The following SHLD1 variants were observed in gnomAD, a reference collection of about 807,000 sequenced individuals.
The protein encoded by SHLD1 is RINN1-REV7-interacting novel NHEJ regulator 3.
In SHLD1, 3 loss-of-function variants were observed where a neutral mutation model predicts 5.5. The observed-to-expected ratio is 0.54, with a 90% CI of 0.25 to 1.40. The LOEUF is 1.40. Ranked by LOEUF, SHLD1 falls within the 40% of genes most tolerant of loss-of-function variation. SHLD1 has a pLI of 0.15. For synonymous variants in SHLD1, 92 were observed against 94.3 expected, an observed-to-expected ratio of 0.98 and a Z score of 0.14; for missense variants, 210 against 244.4, an observed-to-expected ratio of 0.86 and a Z score of 0.94.
intron 2 of SHLD1, among the ~76,000 whole-genome samples, chr20:5,854,154 T>C (rs915496393): frequency 6.6e-6 from 1 of 152,058 alleles, no homozygotes; most frequent in Non-Finnish European, 1.5e-5. Context: ...TACAGGCATG[T>C]TCTACCATGC....
chr20:5,823,928 C>T (rs2087636827), intron 2 of SHLD1, among the ~76,000 whole-genome samples: 1 of 152,206 alleles, frequency 6.6e-6, no homozygotes, highest in African/African-American at 2.4e-5. Flanking sequence ...AAACCCCAGC[C>T]ACCATCTTCC....
At chr20:5,857,501 T>C (rs888172220) in intron 2 of SHLD1, among the ~76,000 whole-genome samples, 1 of 152,098 alleles carries the variant, frequency 6.6e-6, no homozygotes, top group Non-Finnish European at 1.5e-5. Flanking sequence ...TCCTGATACT[T>C]TTTCATTTTT....
chr20:5,832,678 G>A (rs1436755701), intron 2 of SHLD1, among the ~76,000 whole-genome samples: 2 of 151,770 alleles, frequency 1.3e-5, no homozygotes, highest in African/African-American at 4.8e-5. Context: ...GTATTCTTCC[G>A]GGGTAAAACC....
At chr20:5,794,916 GATATGTAAACTTATTTGTTTAC>G (rs35070176) in intron 2 of SHLD1, among the ~76,000 whole-genome samples, 44,413 of 151,970 alleles carry the variant, frequency 0.29, 6,473 homozygotes, top group Middle Eastern at 0.34. Flanking sequence ...GGGAAAATAA[GATATGTAAACTTATTTGTTTAC>G]ATATGTAAAC....
chr20:5,857,723 C>T lies in SHLD1; in HGVS notation c.179-5301C>T, dbSNP rs528979589. Among the ~76,000 whole-genome samples the T allele has an allele frequency of 2.7e-3, 410 of 151,794 alleles. 2 individuals are homozygous for T. Among genetic ancestry groups the T allele is most frequent in the Non-Finnish European group, 4.2e-3 (286 of 67,900 alleles). ...CTACTCAGGACTGAGGTGGGAGGAT[C>T]GCCTGAGCCCAGAAGGTGGGCTCAG... On this transcript the variant is annotated intron_variant, in intron 2 of 2. Transcript: ENST00000303142.
At chr20:5,753,958 G>A (rs1336365772) in intron 1 of SHLD1, among the ~76,000 whole-genome samples, 2 of 152,090 alleles carry the variant, frequency 1.3e-5, no homozygotes, top group Non-Finnish European at 1.5e-5. Flanking sequence ...GTGTGTTAGC[G>A]TCTTTGATTT....
At chr20:5,777,000 T>C (rs1452484055) in intron 2 of SHLD1, among the ~76,000 whole-genome samples, 1 of 152,112 alleles carries the variant, frequency 6.6e-6, no homozygotes, top group Non-Finnish European at 1.5e-5. Context: ...CTTTTTTTTT[T>C]TCTTTTCAAG....
chr20:5,832,319 G>C (rs2087738698), intron 2 of SHLD1, among the ~76,000 whole-genome samples: 1 of 152,242 alleles, frequency 6.6e-6, no homozygotes, highest in Non-Finnish European at 1.5e-5. Context: ...CTCGGGCAGA[G>C]TGGAACTGCA....
chr20:5,862,947 G>A, intron 2 of SHLD1, 77 bp from the exon 3 acceptor site: 5 of 1,270,606 alleles, frequency 3.9e-6, no homozygotes, highest in Middle Eastern at 2.3e-4. Context: ...ACTGAAAATA[G>A]ACATCATCTG....
At chr20:5,835,821 C>T (rs2087782288) in intron 2 of SHLD1, among the ~76,000 whole-genome samples, 1 of 152,202 alleles carries the variant, frequency 6.6e-6, no homozygotes. Flanking sequence ...TTGTGTTATA[C>T]AGGAAAAGTT....
chr20:5,851,018 A>G (rs10211801), intron 2 of SHLD1, among the ~76,000 whole-genome samples: 2,196 of 152,298 alleles, frequency 0.014, 44 homozygotes, highest in African/African-American at 0.05. Flanking sequence ...AAGGAGGACA[A>G]TACAGCACAC....
intron 2 of SHLD1, among the ~76,000 whole-genome samples, chr20:5,784,665 T>G (rs1261085491): frequency 6.6e-6 from 1 of 152,034 alleles, no homozygotes; most frequent in African/African-American, 2.4e-5. Context: ...TTAGCCAGGT[T>G]GGTCTCGATC....
At chr20:5,823,018 A>G (rs1486495174) in intron 2 of SHLD1, among the ~76,000 whole-genome samples, 3 of 104,772 alleles carry the variant, frequency 2.9e-5, no homozygotes, top group African/African-American at 7.7e-5. Context: ...ACCCCCATAT[A>G]TACTCCACCA....
At chr20:5,851,046 C>T (rs1317099543) in intron 2 of SHLD1, among the ~76,000 whole-genome samples, 1 of 152,154 alleles carries the variant, frequency 6.6e-6, no homozygotes, top group Admixed American at 6.5e-5. Context: ...CTAGTATGGA[C>T]GTCTCATGCT....
At chr20:5,756,225 A>G (rs1984089044) in intron 1 of SHLD1, among the ~76,000 whole-genome samples, 1 of 151,748 alleles carries the variant, frequency 6.6e-6, no homozygotes, top group African/African-American at 2.4e-5. Context: ...CCAAGGTGGG[A>G]GGATTGCTTG....
At chr20:5,751,794 A>G (rs1338645199) in intron 1 of SHLD1, among the ~76,000 whole-genome samples, 2 of 149,166 alleles carry the variant, frequency 1.3e-5, no homozygotes, top group African/African-American at 5.2e-5. Flanking sequence ...CAGTTGGGTT[A>G]TAGTTTGTTT....
At chr20:5,779,297 A>C (rs747970665) in intron 2 of SHLD1, among the ~76,000 whole-genome samples, 67 of 152,092 alleles carry the variant, frequency 4.4e-4, no homozygotes, top group Non-Finnish European at 7.5e-4. Flanking sequence ...ACTCTGAAGG[A>C]GGTCACTGCC....
rs55776293 is a variant in SHLD1 at position 5,854,872 on chromosome 20, C to CTTT, written c.179-8142_179-8140dup. ...CATTCTGTTTTCTGTCTCTATGACT[C>CTTT]TTTTTTTTTTTTAAGAGACAGGTCT... On this transcript the variant is annotated intron_variant, in intron 2 of 2. Coordinates refer to ENST00000303142, the MANE Select transcript of SHLD1 (RefSeq NM_152504.4). Among the ~76,000 whole-genome samples the CTTT allele has an allele frequency of 4.3e-4, 56 of 130,046 alleles. 2 individuals carry two copies. In the East Asian group the frequency reaches 4.4e-3, roughly 10 times the overall value. 85.3% of individuals were successfully genotyped at this position (130,046 alleles called of 152,430 possible). A position where few individuals can be genotyped will look rare whatever the true frequency, so the allele number is the denominator to read the frequency against.
intron 2 of SHLD1, among the ~76,000 whole-genome samples, chr20:5,799,157 T>C (rs6139835): frequency 0.85 from 129,014 of 151,548 alleles, 55,165 homozygotes; most frequent in East Asian, 1. Flanking sequence ...GAGTCGTGAT[T>C]GCACCACTGC....
Sources: gnomAD v4.1 joint callset for allele counts (sites outside exome capture counted in the v4.1 genomes callset) on GRCh38, gnomAD v4.1.1 for gene constraint, MANE v1.5 for transcripts, NCBI Gene and HGNC (gene_info 2026-07-23, HGNC 2026-07-21) for gene names.